The following CEP350 variants were observed in gnomAD, a reference collection of about 807,000 sequenced individuals.
CEP350 encodes the protein centrosomal protein 350.
Under a neutral mutation model 331.8 loss-of-function variants are expected in CEP350, and 126 were observed. That is an observed-to-expected ratio of 0.38 (90% CI 0.33 to 0.44). CEP350 has a LOEUF of 0.44. Among genes scored for constraint, CEP350 ranks in the 20% least tolerant of loss-of-function variants. CEP350 has a pLI of 1.00. For synonymous variants in CEP350, 1,200 were observed against 1,259.5 expected, an observed-to-expected ratio of 0.95 and a Z score of 1.00; for missense variants, 3,406 against 3,634.6, an observed-to-expected ratio of 0.94 and a Z score of 1.62.
chr1:179,992,233 G>C lies in CEP350; in HGVS notation c.395+12G>C. ...TTGGTTTCTTATAGGTTAGTATTGA[G>C]AAAAAAAAAAGGTATCAAATAGGTT... On this transcript the variant is annotated intron_variant, in intron 5 of 37. Coordinates refer to ENST00000367607, the MANE Select transcript of CEP350 (RefSeq NM_014810.5). 7.6e-7 allele frequency: 1 copy of C among 1,308,534 alleles called. No individual in the cohort carries two copies. The highest frequency in any genetic ancestry group is 9.9e-7 in the Non-Finnish European group (1 of 1,007,972). The allele number at this position is 1,308,534 out of a possible 1,614,324, so 81.1% of individuals were successfully genotyped here. A position where few individuals can be genotyped will look rare whatever the true frequency, so the allele number is the denominator to read the frequency against.
Position 180,094,281 on chromosome 1 carries a change from G to GA in CEP350, c.8183dup (p.Asn2728LysfsTer13). 1 of 1,613,506 alleles carries GA rather than the reference G, an allele frequency of 6.2e-7. No homozygotes were observed. The highest frequency in any genetic ancestry group is 8.5e-7 in the Non-Finnish European group (1 of 1,179,724). On this transcript the variant is annotated frameshift_variant, in exon 34 of 38. Coordinates refer to ENST00000367607, the MANE Select transcript of CEP350 (RefSeq NM_014810.5). LOFTEE classifies it high-confidence loss of function. ...ACCACTTCTGGATCTTTTAACAAGA[G>GA]AAAAAAACCAACTGGAAGCCCAGCT... is the stretch of plus-strand genomic sequence containing the variant.
At position 180,084,010 on chromosome 1, in the gene CEP350, T is replaced by C. The variant is rs1185963161; in HGVS notation, c.6125-8T>C. 2 of 1,438,804 alleles carry C rather than the reference T, an allele frequency of 1.4e-6. No individual in the cohort carries two copies. The highest frequency in any genetic ancestry group is 1.9e-6 in the Non-Finnish European group (2 of 1,075,342). 89.1% of individuals were successfully genotyped at this position (1,438,804 alleles called of 1,614,324 possible). A position where few individuals can be genotyped will look rare whatever the true frequency, so the allele number is the denominator to read the frequency against. ...AATTATAAATAAAAGATTTTGTATCTCTTTCAGAAACTACATCTGACCAGA... is the reference window on the plus strand; with the variant it reads ...AATTATAAATAAAAGATTTTGTATCCCTTTCAGAAACTACATCTGACCAGA... On this transcript the variant is annotated splice_polypyrimidine_tract_variant and splice_region_variant and intron_variant, in intron 30 of 37. Coordinates refer to ENST00000367607, the MANE Select transcript of CEP350 (RefSeq NM_014810.5).
At chr1:180,002,223 C>T (rs1371466122) in intron 6 of CEP350, among the ~76,000 whole-genome samples, 1 of 152,208 alleles carries the variant, frequency 6.6e-6, no homozygotes, top group African/African-American at 2.4e-5. Flanking sequence ...CCTGTAATCC[C>T]AGCATTTTGG....
At chr1:179,992,255 G>A in intron 5 of CEP350, 34 bp downstream of exon 5, 1 of 1,421,312 alleles carries the variant, frequency 7.0e-7, no homozygotes, top group South Asian at 1.6e-5. Context: ...GTATCAAATA[G>A]GTTTAGCCTG....
At chr1:180,037,146 A>G (rs957033997) in intron 17 of CEP350, 57 bp downstream of exon 17, 1 of 1,431,448 alleles carries the variant, frequency 7.0e-7, no homozygotes, top group African/African-American at 1.4e-5. Flanking sequence ...GCTATTTAAA[A>G]TGGTCTTAAT....
At chr1:180,089,182 A>G (rs1428501075) in intron 32 of CEP350, among the ~76,000 whole-genome samples, 1 of 152,240 alleles carries the variant, frequency 6.6e-6, no homozygotes, top group Non-Finnish European at 1.5e-5. Context: ...GAAAGATAGA[A>G]AAGAGTAAGC....
At chr1:180,012,895 A>AT (rs929766952) in intron 9 of CEP350, among the ~76,000 whole-genome samples, 13 of 152,094 alleles carry the variant, frequency 8.5e-5, no homozygotes, top group African/African-American at 3.1e-4. Context: ...TTTTCTGTAT[A>AT]TTTAAGTTTT....
chr1:179,990,341 A>C (rs1652964776), intron 3 of CEP350, among the ~76,000 whole-genome samples, 166 bp from the exon 4 acceptor site: 2 of 152,232 alleles, frequency 1.3e-5, no homozygotes, highest in Non-Finnish European at 2.9e-5. Flanking sequence ...ATTATAGCTA[A>C]AGTAAAAAAT....
At chr1:180,100,214 C>A (rs906641682) in intron 37 of CEP350, among the ~76,000 whole-genome samples, 3 of 152,092 alleles carry the variant, frequency 2.0e-5, no homozygotes, top group Admixed American at 1.3e-4. Context: ...GTAGGAAGGA[C>A]TAATGTTATT....
At chr1:180,107,425 T>C (rs934621051) in intron 37 of CEP350, among the ~76,000 whole-genome samples, 1 of 152,184 alleles carries the variant, frequency 6.6e-6, no homozygotes, top group Non-Finnish European at 1.5e-5. Flanking sequence ...TCCTAGCACT[T>C]TGGGAGGCCG....
intron 3 of CEP350, among the ~76,000 whole-genome samples, chr1:179,987,780 G>A (rs183941665): frequency 5.6e-4 from 85 of 151,690 alleles, no homozygotes; most frequent in Non-Finnish European, 7.5e-4. Context: ...ACAAAATTTA[G>A]CCAGGCCTGG....
intron 22 of CEP350, among the ~76,000 whole-genome samples, chr1:180,050,204 G>T (rs191379442): frequency 6.6e-6 from 1 of 152,172 alleles, no homozygotes; most frequent in Non-Finnish European, 1.5e-5. Context: ...GGTGTGATCT[G>T]TGAAAGAAAA....
intron 1 of CEP350, among the ~76,000 whole-genome samples, chr1:179,967,744 T>A (rs1039663826): frequency 6.6e-6 from 1 of 152,214 alleles, no homozygotes; most frequent in African/African-American, 2.4e-5. Context: ...ATGTCTAAAT[T>A]TTAAAAGTGA....
intron 6 of CEP350, among the ~76,000 whole-genome samples, chr1:180,002,151 G>A (rs2148742450): frequency 6.6e-6 from 1 of 152,304 alleles, no homozygotes; most frequent in South Asian, 2.1e-4. Flanking sequence ...TTGCTGGTGA[G>A]AATGCAAAAT....
intron 36 of CEP350, among the ~76,000 whole-genome samples, chr1:180,097,473 C>T (rs1271095723): frequency 1.3e-5 from 2 of 152,224 alleles, no homozygotes; most frequent in East Asian, 1.9e-4. Flanking sequence ...GATGGAATTT[C>T]CGGGCACGTT....
rs966782882 is a variant in CEP350, at chr1:180,098,999, A to T, written c.9189+14A>T. ...GATCATATCCTGGTCAGTGTATACAACCAAACTGTTTTTATTTTGACCATA... is the reference window on the plus strand; with the variant it reads ...GATCATATCCTGGTCAGTGTATACATCCAAACTGTTTTTATTTTGACCATA... On this transcript the variant is annotated intron_variant, in intron 37 of 37. Coordinates refer to ENST00000367607, the MANE Select transcript of CEP350 (RefSeq NM_014810.5). 1.9e-6 allele frequency: 3 copies of T among 1,602,344 alleles called. No homozygotes were observed. Among genetic ancestry groups the T allele is most frequent in the Admixed American group, 3.5e-5 (2 of 57,418 alleles).
At chr1:180,023,286 A>G (rs1257907229) in intron 13 of CEP350, among the ~76,000 whole-genome samples, 2 of 152,160 alleles carry the variant, frequency 1.3e-5, no homozygotes, top group African/African-American at 2.4e-5. Context: ...AAGAAAGAAA[A>G]AAAAATCACT....
chr1:180,078,580 G>A lies in CEP350; in HGVS notation c.5885G>A (p.Gly1962Glu), dbSNP rs1456532968. 3 of 1,613,464 alleles carry A rather than the reference G, an allele frequency of 1.9e-6. No individual in the cohort carries two copies. Among genetic ancestry groups the A allele is most frequent in the Non-Finnish European group, 2.5e-6 (3 of 1,179,676 alleles). Reference protein sequence around the residue: ...AVEYVPSESIGQEQPGSPDHS... With the variant: ...AVEYVPSESIEQEQPGSPDHS... ...GAATATGTACCATCCGAGTCTATAG[G>A]ACAGGAGCAGCCAGGGAGTCCAGAT... is the stretch of plus-strand genomic sequence containing the variant. Residue 1962 changes from glycine (G) to glutamate (E), a missense_variant, in exon 29 of 38, where the codon GGA becomes GAA. Transcript: ENST00000367607.
At chr1:180,098,832 T>A in intron 36 of CEP350, 31 bp from the exon 37 acceptor site, 1 of 1,592,088 alleles carries the variant, frequency 6.3e-7, no homozygotes, top group Non-Finnish European at 8.6e-7. Context: ...TTCTGTTGTT[T>A]GTGTTTCGTG....
Sources: gnomAD v4.1 joint callset for allele counts (sites outside exome capture counted in the v4.1 genomes callset) on GRCh38, gnomAD v4.1.1 for gene constraint, MANE v1.5 for transcripts, NCBI Gene and HGNC (gene_info 2026-07-23, HGNC 2026-07-21) for gene names.